RUNDC3B: variants seen among roughly 807,000 people sequenced by gnomAD.
RUNDC3B encodes RUN domain-containing protein 3B.
A neutral mutation model predicts 58.4 loss-of-function variants in RUNDC3B; 33 were observed. The ratio of observed to expected loss-of-function variants is 0.56; its 90% CI spans 0.43 to 0.75. RUNDC3B has a LOEUF of 0.75. RUNDC3B is among the 30% of genes least tolerant of loss of function. RUNDC3B has a pLI of 0.00. For synonymous variants in RUNDC3B, 193 were observed against 195.2 expected, an observed-to-expected ratio of 0.99 and a Z score of 0.10; for missense variants, 501 against 535.7, an observed-to-expected ratio of 0.94 and a Z score of 0.64.
intron 2 of RUNDC3B, among the ~76,000 whole-genome samples, chr7:87,687,806 C>T (rs1827615681): frequency 6.6e-6 from 1 of 152,138 alleles, no homozygotes; most frequent in Admixed American, 6.5e-5. Flanking sequence ...AACCTCAAAG[C>T]TCTTCCTGAC....
intron 6 of RUNDC3B, among the ~76,000 whole-genome samples, chr7:87,753,620 G>A (rs10226830): frequency 0.094 from 14,244 of 152,026 alleles, 770 homozygotes; most frequent in African/African-American, 0.15. Flanking sequence ...TCCCTTTACC[G>A]TTATGTAATG....
intron 6 of RUNDC3B, among the ~76,000 whole-genome samples, chr7:87,747,522 T>A (rs1300783036): frequency 6.6e-6 from 1 of 151,922 alleles, no homozygotes; most frequent in African/African-American, 2.4e-5. Context: ...GAGGAACCAG[T>A]GGTGGGCGGG....
chr7:87,694,765 A>G (rs1456915994), intron 2 of RUNDC3B, among the ~76,000 whole-genome samples: 1 of 152,144 alleles, frequency 6.6e-6, no homozygotes, highest in Non-Finnish European at 1.5e-5. Flanking sequence ...AAGGGAAAAA[A>G]CAAAACGTTT....
intron 4 of RUNDC3B, among the ~76,000 whole-genome samples, chr7:87,731,522 A>T (rs1831576346): frequency 6.6e-6 from 1 of 152,178 alleles, no homozygotes. Flanking sequence ...CCTACAAGAA[A>T]CATATTTCAG....
intron 8 of RUNDC3B, among the ~76,000 whole-genome samples, chr7:87,798,239 C>T (rs1835917230): frequency 1.3e-5 from 2 of 151,998 alleles, no homozygotes; most frequent in African/African-American, 4.8e-5. Context: ...TTTAACAAAC[C>T]TTTTAAATTG....
chr7:87,629,043 C>A, intron 1 of RUNDC3B, 98 bp downstream of exon 1: 1 of 1,113,604 alleles, frequency 9.0e-7, no homozygotes, highest in Non-Finnish European at 1.2e-6. Flanking sequence ...TGATGGGCTG[C>A]CGCCCAGTGC....
intron 4 of RUNDC3B, among the ~76,000 whole-genome samples, chr7:87,729,378 C>A (rs1486650615): frequency 1.3e-5 from 2 of 152,204 alleles, no homozygotes; most frequent in Admixed American, 1.3e-4. Flanking sequence ...TCCTTCATCC[C>A]CCAGCAATGG....
At chr7:87,807,217 T>C (rs1158184808) in intron 8 of RUNDC3B, among the ~76,000 whole-genome samples, 156 bp from the exon 9 acceptor site, 2 of 152,140 alleles carry the variant, frequency 1.3e-5, no homozygotes, top group East Asian at 3.8e-4. Context: ...GAAAGAACAA[T>C]CATTGTCCCA....
chr7:87,752,130 A>T (rs1464971347), intron 6 of RUNDC3B, among the ~76,000 whole-genome samples: 2 of 152,212 alleles, frequency 1.3e-5, no homozygotes, highest in Non-Finnish European at 2.9e-5. Flanking sequence ...CTATTGAGAT[A>T]ATCATATGGT....
intron 10 of RUNDC3B, among the ~76,000 whole-genome samples, chr7:87,828,426 A>G (rs767901686): frequency 4.6e-5 from 7 of 152,022 alleles, no homozygotes; most frequent in Non-Finnish European, 1.0e-4. Context: ...CTTTATATCC[A>G]TGAGTATTCA....
chr7:87,667,550 G>A (rs1585046393), intron 2 of RUNDC3B, among the ~76,000 whole-genome samples: 1 of 151,936 alleles, frequency 6.6e-6, no homozygotes, highest in Non-Finnish European at 1.5e-5. Context: ...GGTGAGAGAG[G>A]GCATCCTTCT....
chr7:87,717,754 C>T (rs1213289665), intron 4 of RUNDC3B, among the ~76,000 whole-genome samples: 1 of 152,032 alleles, frequency 6.6e-6, no homozygotes, highest in Non-Finnish European at 1.5e-5. Flanking sequence ...ATCAAAATTT[C>T]AAAGCCTGGA....
intron 2 of RUNDC3B, among the ~76,000 whole-genome samples, chr7:87,680,273 T>C (rs1304216240): frequency 2.0e-5 from 3 of 150,632 alleles, no homozygotes; most frequent in Non-Finnish European, 4.4e-5. Flanking sequence ...ATCCAGTCTA[T>C]CATTGATAGA....
intron 6 of RUNDC3B, among the ~76,000 whole-genome samples, chr7:87,758,634 A>C (rs1833507206): frequency 6.6e-6 from 1 of 152,216 alleles, no homozygotes; most frequent in Non-Finnish European, 1.5e-5. Flanking sequence ...AATAGGAAAA[A>C]AAATCAAATA....
At chr7:87,752,524 A>G (rs1431428483) in intron 6 of RUNDC3B, among the ~76,000 whole-genome samples, 3 of 152,098 alleles carry the variant, frequency 2.0e-5, no homozygotes, top group Admixed American at 2.0e-4. Flanking sequence ...TTTGGTTGGT[A>G]AGCTATTGAT....
In RUNDC3B at chr7:87,671,770, C is replaced by A. The variant is rs2130524121; in HGVS notation, c.238+20833C>A. 2.0e-5 allele frequency among the ~76,000 whole-genome samples: 3 copies of A among 152,222 alleles called. 1 individual carries two copies. Among genetic ancestry groups the A allele is most frequent in the Middle Eastern group, 6.8e-3 (2 of 294 alleles). On this transcript the variant is annotated intron_variant, in intron 2 of 10. Transcript: ENST00000394654. The stretch of plus-strand genomic sequence containing the variant: ...AGCTGTTCCGTGCTGTGCTGGAGGT[C>A]CACTTCAGCCCCCGGTTGCCTCAGA...
intron 4 of RUNDC3B, among the ~76,000 whole-genome samples, chr7:87,717,765 TAGTCCC>T (rs1313601134): frequency 6.6e-6 from 1 of 152,078 alleles, no homozygotes; most frequent in East Asian, 1.9e-4. Context: ...AAAGCCTGGA[TAGTCCC>T]AATGATTTTG....
chr7:87,701,638 T>G (rs1204644996), intron 3 of RUNDC3B, among the ~76,000 whole-genome samples: 1 of 152,182 alleles, frequency 6.6e-6, no homozygotes, highest in Non-Finnish European at 1.5e-5. Context: ...TACAGAAACT[T>G]ACCATTTAGT....
chr7:87,715,744 C>A (rs1343363552), intron 4 of RUNDC3B, among the ~76,000 whole-genome samples: 1 of 151,608 alleles, frequency 6.6e-6, no homozygotes, highest in Non-Finnish European at 1.5e-5. Flanking sequence ...GGGCAAAAAT[C>A]AGAAAGGCCA....
Sources: gnomAD v4.1 joint callset for allele counts (sites outside exome capture counted in the v4.1 genomes callset) on GRCh38, gnomAD v4.1.1 for gene constraint, MANE v1.5 for transcripts, NCBI Gene and HGNC (gene_info 2026-07-23, HGNC 2026-07-21) for gene names.